Variants in ADHFE1 observed in about 807,000 individuals in gnomAD.
The protein encoded by ADHFE1 is alcohol dehydrogenase iron containing 1.
ADHFE1 carries 37 observed loss-of-function variants against 54.8 expected under a neutral mutation model. The observed-to-expected ratio is 0.68, with a 90% CI of 0.52 to 0.89. The LOEUF (loss-of-function observed/expected upper bound fraction) is 0.89. ADHFE1 is among the 40% of genes least tolerant of loss of function. The pLI is 0.00. For synonymous variants in ADHFE1, 203 were observed against 229.3 expected, an observed-to-expected ratio of 0.89 and a Z score of 1.04; for missense variants, 601 against 591.2, an observed-to-expected ratio of 1.02 and a Z score of -0.17.
chr8:66,464,290 T>C (rs1445994711), intron 13 of ADHFE1, among the ~76,000 whole-genome samples: 1 of 152,208 alleles, frequency 6.6e-6, no homozygotes, highest in Non-Finnish European at 1.5e-5. Context: ...TATGTCCTTG[T>C]CCTGTTTAAC....
At chr8:66,454,251 A>G (rs957181782) in intron 10 of ADHFE1, 94 bp downstream of exon 10, 3 of 1,240,652 alleles carry the variant, frequency 2.4e-6, no homozygotes, top group Non-Finnish European at 3.4e-6. Flanking sequence ...AAATTTAAAT[A>G]TGCTATAGAA....
chr8:66,453,747 A>G, intron 9 of ADHFE1: 1 of 1,385,440 alleles, frequency 7.2e-7, no homozygotes, highest in South Asian at 1.1e-5. Context: ...AAGAAGAATG[A>G]GTCTCAGGGC....
chr8:66,441,641 A>G (rs1420081621), intron 2 of ADHFE1, among the ~76,000 whole-genome samples: 1 of 152,216 alleles, frequency 6.6e-6, no homozygotes, highest in Non-Finnish European at 1.5e-5. Flanking sequence ...TTCCAATATG[A>G]CAGAAAATCA....
chr8:66,465,336 C>T (rs908184714), intron 13 of ADHFE1, among the ~76,000 whole-genome samples: 4 of 152,168 alleles, frequency 2.6e-5, no homozygotes, highest in African/African-American at 9.7e-5. Flanking sequence ...TTTCCATTAA[C>T]AGTGCACCAG....
chr8:66,432,918 G>A (rs1805278145), intron 1 of ADHFE1: 2 of 1,103,898 alleles, frequency 1.8e-6, no homozygotes, highest in Admixed American at 5.1e-5. Context: ...TATTTATTGG[G>A]CATATATTAT....
intron 1 of ADHFE1, among the ~76,000 whole-genome samples, chr8:66,436,005 T>G (rs932337068): frequency 7.1e-6 from 1 of 140,106 alleles, no homozygotes; most frequent in African/African-American, 2.7e-5. Flanking sequence ...AACCTCCACC[T>G]CCTGGGTTCG....
chr8:66,438,776 T>A (rs1445511723), intron 1 of ADHFE1, among the ~76,000 whole-genome samples: 1 of 149,768 alleles, frequency 6.7e-6, no homozygotes, highest in African/African-American at 2.5e-5. Flanking sequence ...ACAGGACAGG[T>A]AGAGGTCCCG....
rs745773266 is a variant in ADHFE1, at chr8:66,444,761, T to C, written c.353+13T>C. 3 of 1,613,140 alleles carry C rather than the reference T, an allele frequency of 1.9e-6. No homozygotes were observed. Among genetic ancestry groups the C allele is most frequent in the Non-Finnish European group, 2.5e-6 (3 of 1,179,652 alleles). On this transcript the variant is annotated intron_variant, in intron 5 of 13. Transcript: ENST00000396623. ...CAACGGATTCAAGGTATTCTTGTAT[T>C]GTTGTTATTGTTTCTTTACTTTAAG... is the stretch of plus-strand genomic sequence containing the variant.
Position 66,450,063 on chromosome 8 carries a change from G to A in ADHFE1, c.734+1093G>A, listed in dbSNP as rs186143767. On this transcript the variant is annotated intron_variant, in intron 8 of 13. Coordinates refer to ENST00000396623, the MANE Select transcript of ADHFE1 (RefSeq NM_144650.3). ...TGTATACTGCTAGTTCACACAAGCA[G>A]GAGGTGACAGAGTTAGAACTCACAT... is the stretch of plus-strand genomic sequence containing the variant. 5.9e-4 allele frequency among the ~76,000 whole-genome samples: 90 copies of A among 152,352 alleles called. 1 individual carries two copies. The East Asian group carries it at 0.014, about 24-fold the overall frequency.
intron 13 of ADHFE1, among the ~76,000 whole-genome samples, chr8:66,462,143 G>C (rs570774254): frequency 1.3e-5 from 2 of 152,336 alleles, no homozygotes; most frequent in African/African-American, 2.4e-5. Flanking sequence ...TAAGTCCTCT[G>C]TCTAGGTAAG....
intron 2 of ADHFE1, among the ~76,000 whole-genome samples, chr8:66,442,339 C>G (rs1166055817): frequency 6.8e-5 from 9 of 131,696 alleles, no homozygotes; most frequent in Non-Finnish European, 1.4e-4. Flanking sequence ...GAGACGGGGT[C>G]TCACTCTGTT....
intron 1 of ADHFE1, 197 bp downstream of exon 1, chr8:66,432,772 G>T (rs372511300): frequency 1.6e-6 from 2 of 1,229,930 alleles, no homozygotes; most frequent in Non-Finnish European, 1.0e-6. Flanking sequence ...CTCTCAGGGC[G>T]CAGTGAGGCA....
chr8:66,436,625 T>A (rs1193663609), intron 1 of ADHFE1, among the ~76,000 whole-genome samples: 1 of 152,050 alleles, frequency 6.6e-6, no homozygotes, highest in Non-Finnish European at 1.5e-5. Context: ...CAAGCAGAGA[T>A]GCCAAGTGGG....
Position 66,432,537 on chromosome 8 carries a change from C to CCGGGT in ADHFE1, c.24_28dup (p.Ala10GlyfsTer6). ...GCGCCATGGCCGCTGCCGCCCGAGC[C>CCGGGT]CGGGTCGCGTACTTGCTGAGGCAAC... On this transcript the variant is annotated frameshift_variant, in exon 1 of 14. Coordinates refer to ENST00000396623, the MANE Select transcript of ADHFE1 (RefSeq NM_144650.3). LOFTEE classifies it high-confidence loss of function. 7.3e-7 allele frequency: 1 copy of CCGGGT among 1,360,664 alleles called. No individual in the cohort carries two copies. Among genetic ancestry groups the CCGGGT allele is most frequent in the Non-Finnish European group, 9.6e-7 (1 of 1,045,670 alleles). 84.3% of individuals were successfully genotyped at this position (1,360,664 alleles called of 1,614,324 possible).
At position 66,439,039 on chromosome 8, in the gene ADHFE1, A is replaced by AGCCTG. The variant is rs372064592; in HGVS notation, c.60-1114_60-1110dup. On this transcript the variant is annotated intron_variant, in intron 1 of 13. Transcript: ENST00000396623. This position sits in a 1 kb window ranked among gnomAD's most constrained non-coding sequence, Gnocchi z 4.4. ...AACCAAAGCCCACCGTGAAGGGACAAGCCTGGCCTGGCCCGCGTCCTCTCC... is the reference window on the plus strand; with the variant it reads ...AACCAAAGCCCACCGTGAAGGGACAAGCCTGGCCTGGCCTGGCCCGCGTCCTCTCC... 1.3e-4 allele frequency among the ~76,000 whole-genome samples: 19 copies of AGCCTG among 150,914 alleles called. No homozygotes were observed. The highest frequency in any genetic ancestry group is 4.3e-4 in the African/African-American group (18 of 41,402).
In ADHFE1 at chr8:66,460,360, C is replaced by A; in HGVS notation, c.1215C>A (p.Asp405Glu). The change falls in exon 13 of 14, where the codon GAC (aspartate) becomes GAA (glutamate). Residue 405 changes from aspartate (D) to glutamate (E), a missense_variant. Coordinates refer to ENST00000396623, the MANE Select transcript of ADHFE1 (RefSeq NM_144650.3). ...RIQDAGLVLA[D>E]TLRKFLFDLD... ...AAGATGCAGGGCTGGTGTTGGCAGA[C>A]ACGCTCCGGAAATTCTTATTCGATC... The A allele has an allele frequency of 6.2e-7, 1 of 1,614,222 alleles. No homozygotes were observed. The highest frequency in any genetic ancestry group is 8.5e-7 in the Non-Finnish European group (1 of 1,180,032).
In ADHFE1 at chr8:66,445,476, A is replaced by T. The variant is rs567781210; in HGVS notation, c.550+62A>T. ...CAATGAGCAATAGATCTTAAGAAAG[A>T]TGCAAGCCAGTCCTTTTAACATACA... On this transcript the variant is annotated intron_variant, in intron 6 of 13. Transcript: ENST00000396623. 124 of 1,473,354 alleles carry T rather than the reference A, an allele frequency of 8.4e-5. No individual in the cohort carries two copies. The South Asian group carries it at 1.6e-3, about 19-fold the overall frequency. 91.3% of individuals were successfully genotyped at this position (1,473,354 alleles called of 1,614,324 possible). A position where few individuals can be genotyped will look rare whatever the true frequency, so the allele number is the denominator to read the frequency against.
chr8:66,452,217 G>A, intron 9 of ADHFE1, 112 bp downstream of exon 9: 1 of 1,398,340 alleles, frequency 7.2e-7, no homozygotes, highest in Non-Finnish European at 9.5e-7. Context: ...TTCCAGAAAA[G>A]CAGTCAGTGG....
At chr8:66,432,693 T>C in intron 1 of ADHFE1, 118 bp downstream of exon 1, 1 of 1,235,270 alleles carries the variant, frequency 8.1e-7, no homozygotes, top group Non-Finnish European at 1.0e-6. Context: ...TTCGGAGAAT[T>C]TGGATACCGC....
Sources: gnomAD v4.1 joint callset for allele counts (sites outside exome capture counted in the v4.1 genomes callset) on GRCh38, gnomAD v4.1.1 for gene constraint, Gnocchi (gnomAD v3.1) non-coding constraint, MANE v1.5 for transcripts, NCBI Gene and HGNC (gene_info 2026-07-23, HGNC 2026-07-21) for gene names.